IL1RAPL2: variants seen among roughly 807,000 people sequenced by gnomAD.
IL1RAPL2 encodes interleukin 1 receptor accessory protein like 2, also known as X-linked interleukin-1 receptor accessory protein-like 2.
IL1RAPL2 carries 3 observed loss-of-function variants against 44.1 expected under a neutral mutation model. The ratio of observed to expected loss-of-function variants is 0.07; its 90% CI spans 0.03 to 0.18. The LOEUF is 0.18. Ranked by LOEUF, IL1RAPL2 falls within the 10% of genes least tolerant of loss-of-function variation. IL1RAPL2 has a pLI of 1.00. For synonymous variants in IL1RAPL2, 181 were observed against 178.8 expected, an observed-to-expected ratio of 1.01 and a Z score of -0.10; for missense variants, 391 against 496.4, an observed-to-expected ratio of 0.79 and a Z score of 2.02.
chrX:105,225,811 C>G (rs1053150547), intron 3 of IL1RAPL2, among the ~76,000 whole-genome samples: 1 of 109,333 alleles, frequency 9.1e-6, no homozygotes. Flanking sequence ...CTCAGCCTAC[C>G]AAGTAGCTGG....
At chrX:105,061,878 G>T in intron 2 of IL1RAPL2, among the ~76,000 whole-genome samples, 1 of 111,425 alleles carries the variant, frequency 9.0e-6, no homozygotes, top group Non-Finnish European at 1.9e-5. Context: ...GGTTTTCATT[G>T]GCATGGAATA....
At chrX:105,142,735 G>C (rs983018542) in intron 2 of IL1RAPL2, among the ~76,000 whole-genome samples, 3 of 108,790 alleles carry the variant, frequency 2.8e-5, no homozygotes, top group African/African-American at 6.7e-5. Context: ...CCATTAACTC[G>C]TCATTTAGCA....
intron 6 of IL1RAPL2, among the ~76,000 whole-genome samples, chrX:105,544,253 T>G (rs1357271439): frequency 8.9e-6 from 1 of 112,098 alleles, no homozygotes; most frequent in Non-Finnish European, 1.9e-5. Context: ...TGTATATTAA[T>G]TTTTGCATCT....
At chrX:104,909,521 T>C (rs1052556869) in intron 2 of IL1RAPL2, among the ~76,000 whole-genome samples, 3 of 111,837 alleles carry the variant, frequency 2.7e-5, no homozygotes, top group African/African-American at 3.3e-5. Context: ...GATGGGTTTT[T>C]GGTGTGGATG....
chrX:105,593,616 G>A (rs1321670356), intron 6 of IL1RAPL2, among the ~76,000 whole-genome samples: 1 of 110,688 alleles, frequency 9.0e-6, no homozygotes, highest in African/African-American at 3.3e-5. Flanking sequence ...TATATTCTTT[G>A]ATACCATTGT....
intron 6 of IL1RAPL2, among the ~76,000 whole-genome samples, chrX:105,486,378 A>G (rs2036266529): frequency 8.9e-6 from 1 of 112,418 alleles, no homozygotes; most frequent in Admixed American, 9.4e-5. Flanking sequence ...TAAACAAAAC[A>G]AAAAGAAATT....
intron 6 of IL1RAPL2, among the ~76,000 whole-genome samples, chrX:105,630,769 A>T (rs1480434255): frequency 1.8e-5 from 2 of 111,143 alleles, no homozygotes; most frequent in Non-Finnish European, 3.8e-5. Flanking sequence ...AATCACCTAA[A>T]AAAAAGAACA....
intron 2 of IL1RAPL2, among the ~76,000 whole-genome samples, chrX:104,890,247 G>A (rs765818844): frequency 2.9e-4 from 32 of 111,678 alleles, no homozygotes; most frequent in East Asian, 8.4e-4. Context: ...GAATAGTGCC[G>A]CAATAAACAT....
chrX:104,907,054 T>C (rs1323217853), intron 2 of IL1RAPL2, among the ~76,000 whole-genome samples: 2 of 111,120 alleles, frequency 1.8e-5, no homozygotes, highest in African/African-American at 6.5e-5. Flanking sequence ...TTGAGGAATT[T>C]ATCCATTTCT....
intron 2 of IL1RAPL2, among the ~76,000 whole-genome samples, chrX:104,668,641 G>C (rs1930532763): frequency 9.3e-6 from 1 of 106,972 alleles, no homozygotes. Context: ...TTAAAAATCA[G>C]AATAAAGCTT....
chrX:105,640,689 T>TATAC (rs1445756407), intron 6 of IL1RAPL2, among the ~76,000 whole-genome samples: 1 of 84,531 alleles, frequency 1.2e-5, no homozygotes, highest in Non-Finnish European at 2.2e-5. Flanking sequence ...TATATATATA[T>TATAC]ATACACACAC....
chrX:104,810,427 AAAG>A (rs1932967118), intron 2 of IL1RAPL2, among the ~76,000 whole-genome samples: 1 of 111,509 alleles, frequency 9.0e-6, no homozygotes, highest in Admixed American at 9.6e-5. Context: ...TAATAAAAGA[AAAG>A]AAAAGAAATG....
At chrX:105,585,961 C>T (rs771562470) in intron 6 of IL1RAPL2, among the ~76,000 whole-genome samples, 24 of 111,432 alleles carry the variant, frequency 2.2e-4, no homozygotes, top group Non-Finnish European at 4.3e-4. Context: ...ATAATGAAAT[C>T]GCCAAAAGCA....
At chrX:105,249,547 A>G (rs765763160) in intron 4 of IL1RAPL2, among the ~76,000 whole-genome samples, 1 of 111,574 alleles carries the variant, frequency 9.0e-6, no homozygotes, top group African/African-American at 3.2e-5. Flanking sequence ...TGGAAACCCC[A>G]TTTTCTATGA....
At chrX:104,819,940 G>GT (rs1176264074) in intron 2 of IL1RAPL2, among the ~76,000 whole-genome samples, 32 of 109,579 alleles carry the variant, frequency 2.9e-4, no homozygotes, top group African/African-American at 8.9e-4. Flanking sequence ...AAATATGAGG[G>GT]TTTTTTTTTA....
chrX:104,611,824 G>A (rs766215354), intron 1 of IL1RAPL2, among the ~76,000 whole-genome samples: 2 of 78,206 alleles, frequency 2.6e-5, no homozygotes, highest in East Asian at 7.9e-4. Flanking sequence ...GCGACAGAGC[G>A]AGACTCCATC....
intron 5 of IL1RAPL2, among the ~76,000 whole-genome samples, chrX:105,348,747 A>G (rs1602369677): frequency 1.8e-5 from 2 of 111,598 alleles, no homozygotes; most frequent in East Asian, 5.7e-4. Context: ...CCAACAAACT[A>G]AAAGTGGGGG....
chrX:105,512,023 A>T (rs2036473661), intron 6 of IL1RAPL2, among the ~76,000 whole-genome samples: 1 of 110,256 alleles, frequency 9.1e-6, no homozygotes, highest in African/African-American at 3.3e-5. Flanking sequence ...ATACTTAACG[A>T]CTCGAATTTC....
At chrX:105,644,707 A>G (rs1360295593) in intron 6 of IL1RAPL2, among the ~76,000 whole-genome samples, 1 of 110,740 alleles carries the variant, frequency 9.0e-6, no homozygotes, top group Non-Finnish European at 1.9e-5. Context: ...TGCTGCACCC[A>G]TCAACCCATC....
Sources: allele counts gnomAD v4.1 joint callset (sites outside exome capture counted in the v4.1 genomes callset), GRCh38; gene constraint gnomAD v4.1.1; transcripts MANE v1.5; gene names NCBI Gene and HGNC (gene_info 2026-07-23, HGNC 2026-07-21).